TMED3: variants seen among roughly 807,000 people sequenced by gnomAD.
TMED3 encodes the protein transmembrane p24 trafficking protein 3, also known as transmembrane emp24 domain-containing protein 3.
TMED3 carries 9 observed loss-of-function variants against 15.0 expected under a neutral mutation model. The observed-to-expected ratio is 0.60, with a 90% CI of 0.36 to 1.04. The LOEUF is 1.04. TMED3 is among the 50% of genes least tolerant of loss of function. TMED3 has a pLI of 0.01. For synonymous variants in TMED3, 117 were observed against 121.4 expected (o/e 0.96, Z 0.24); for missense variants, 267 against 278.9 (o/e 0.96, Z 0.30).
At chr15:79,372,240 G>T (rs752385752) in intron 2 of TMED3, among the ~76,000 whole-genome samples, 1 of 152,206 alleles carries the variant, frequency 6.6e-6, no homozygotes, top group Admixed American at 6.5e-5. Flanking sequence ...ATAGGCAGGG[G>T]TGGATGTCTT....
chr15:79,358,909 C>T (rs1893070455), intron 2 of TMED3, among the ~76,000 whole-genome samples: 1 of 152,098 alleles, frequency 6.6e-6, no homozygotes, highest in African/African-American at 2.4e-5. Context: ...CCTGATTCCT[C>T]CAGTCTGGAT....
At chr15:79,369,445 T>G (rs1893296544) in intron 2 of TMED3, among the ~76,000 whole-genome samples, 1 of 152,188 alleles carries the variant, frequency 6.6e-6, no homozygotes, top group African/African-American at 2.4e-5. Flanking sequence ...TTTTTAAAAG[T>G]GCCCACTTTC....
At chr15:79,321,779 G>A (rs2058767850) in intron 2 of TMED3, among the ~76,000 whole-genome samples, 199 bp from the exon 3 acceptor site, 1 of 152,210 alleles carries the variant, frequency 6.6e-6, no homozygotes, top group Admixed American at 6.5e-5. Context: ...GTGTGACTCT[G>A]GGCAAGTTAC....
chr15:79,363,718 G>A (rs8035788), intron 2 of TMED3, among the ~76,000 whole-genome samples: 78,533 of 152,024 alleles, frequency 0.52, 20,510 homozygotes, highest in East Asian at 0.72. Context: ...CAGTTTTAAC[G>A]TAAAGCAAAG....
intron 2 of TMED3, among the ~76,000 whole-genome samples, chr15:79,368,958 G>C (rs973805079): frequency 6.6e-6 from 1 of 151,978 alleles, no homozygotes; most frequent in African/African-American, 2.4e-5. Flanking sequence ...AGCTGGGCAT[G>C]GTGGCACACG....
chr15:79,321,172 C>T (rs535365282), intron 2 of TMED3, among the ~76,000 whole-genome samples: 1 of 152,314 alleles, frequency 6.6e-6, no homozygotes, highest in African/African-American at 2.4e-5. Context: ...CCTGAATAAC[C>T]TCCCCATCTT....
At chr15:79,314,260 C>T (rs1389692967) in intron 2 of TMED3, among the ~76,000 whole-genome samples, 3 of 152,224 alleles carry the variant, frequency 2.0e-5, no homozygotes, top group African/African-American at 7.2e-5. Context: ...TTCATTCCCA[C>T]TCAGTCTTTT....
rs367709814 is a variant in TMED3, at chr15:79,382,376, C to T, written c.418-29024C>T. ...CCCCAGACTCTGCTCTGTGTTCTGC[C>T]TCACTGAAAAACAAAATAGTTGTGA... On this transcript the variant is annotated intron_variant, in intron 2 of 2. Coordinates refer to the TMED3 transcript ENST00000424155. 6.4e-4 allele frequency among the ~76,000 whole-genome samples: 97 copies of T among 152,332 alleles called. 1 individual carries two copies. The highest frequency in any genetic ancestry group is 2.1e-3 in the African/African-American group (89 of 41,570).
chr15:79,407,366 TG>T (rs1893915511), intron 2 of TMED3, among the ~76,000 whole-genome samples: 1 of 152,182 alleles, frequency 6.6e-6, no homozygotes, highest in African/African-American at 2.4e-5. Flanking sequence ...TTTGAGATAC[TG>T]GGGCATTTGC....
chr15:79,367,845 T>G (rs538410615), intron 2 of TMED3, among the ~76,000 whole-genome samples: 17 of 152,250 alleles, frequency 1.1e-4, no homozygotes, highest in Non-Finnish European at 2.1e-4. Context: ...CAAAGGTAGA[T>G]TCAAAGATTT....
rs191108884 is a variant in TMED3 at position 79,377,892 on chromosome 15, C to T, written c.418-33508C>T. Reference sequence around the variant, plus strand: ...CGATCTCCTGACCTCATGATCCGCCCGCCTTGGCCTCCCAAAGTGCTGGGA... The same window carrying T: ...CGATCTCCTGACCTCATGATCCGCCTGCCTTGGCCTCCCAAAGTGCTGGGA... On this transcript the variant is annotated intron_variant, in intron 2 of 2. Transcript: ENST00000424155. Among the ~76,000 whole-genome samples the T allele has an allele frequency of 8.4e-3, 1,272 of 152,084 alleles. 21 individuals are homozygous for T. Among genetic ancestry groups the T allele is most frequent in the African/African-American group, 0.028 (1,175 of 41,502 alleles).
chr15:79,328,592 T>A (rs2058795886), intron 2 of TMED3, among the ~76,000 whole-genome samples: 1 of 151,904 alleles, frequency 6.6e-6, no homozygotes, highest in Non-Finnish European at 1.5e-5. Context: ...AACAGTGGAG[T>A]AAGTGTATGT....
At chr15:79,393,591 A>G (rs1317010149) in intron 2 of TMED3, among the ~76,000 whole-genome samples, 3 of 152,244 alleles carry the variant, frequency 2.0e-5, no homozygotes, top group Non-Finnish European at 4.4e-5. Flanking sequence ...AAGGGTAGTT[A>G]TGATAGGTAT....
chr15:79,389,827 A>AGTTTT (rs1284935894), intron 2 of TMED3, among the ~76,000 whole-genome samples: 1 of 151,754 alleles, frequency 6.6e-6, no homozygotes, highest in African/African-American at 2.4e-5. Context: ...TATATTCCTA[A>AGTTTT]GTTTTGTTTT....
intron 2 of TMED3, among the ~76,000 whole-genome samples, chr15:79,353,286 ATT>A (rs2058903575): frequency 4.2e-5 from 2 of 47,294 alleles, no homozygotes; most frequent in Non-Finnish European, 7.6e-5. Flanking sequence ...TATAATATAT[ATT>A]ATATGTATAT....
intron 2 of TMED3, among the ~76,000 whole-genome samples, chr15:79,364,779 T>A (rs1015173158): frequency 2.6e-5 from 4 of 151,026 alleles, no homozygotes; most frequent in Admixed American, 2.6e-4. Context: ...CAGATCATCC[T>A]CTCACTGCAT....
chr15:79,328,345 A>C (rs2058794824), intron 2 of TMED3, among the ~76,000 whole-genome samples: 2 of 119,706 alleles, frequency 1.7e-5, no homozygotes, highest in Admixed American at 1.8e-4. Flanking sequence ...TGTAAAAAAA[A>C]ATTAAAAACC....
rs189463596 is a variant in TMED3 at position 79,371,661 on chromosome 15, G to A, written c.418-39739G>A. The stretch of plus-strand genomic sequence containing the variant: ...GTATCTAAACTGTCTTCATGCAACT[G>A]AGTTAGTTCCTGGGAGGGGGGTCTT... On this transcript the variant is annotated intron_variant, in intron 2 of 2. Transcript: ENST00000424155. 3.3e-4 allele frequency among the ~76,000 whole-genome samples: 51 copies of A among 152,288 alleles called. No homozygotes were observed. The East Asian group carries it at 8.3e-3, about 25-fold the overall frequency.
chr15:79,321,047 T>G (rs754187616), intron 2 of TMED3, among the ~76,000 whole-genome samples: 1 of 152,366 alleles, frequency 6.6e-6, no homozygotes, highest in Non-Finnish European at 1.5e-5. Context: ...CACCTCCACC[T>G]TCAAAGCCAG....
Sources: gnomAD v4.1 joint callset for allele counts (sites outside exome capture counted in the v4.1 genomes callset) on GRCh38, gnomAD v4.1.1 for gene constraint, MANE v1.5 for transcripts, NCBI Gene and HGNC (gene_info 2026-07-23, HGNC 2026-07-21) for gene names.